FUNDC2: variants seen among roughly 807,000 people sequenced by gnomAD.
The protein encoded by FUNDC2 is FUN14 domain containing 2, also known as FUN14 domain-containing protein 2.
In FUNDC2, 4 loss-of-function variants were observed where a neutral mutation model predicts 15.6. The observed-to-expected ratio is 0.26, with a 90% CI of 0.13 to 0.59. The LOEUF (loss-of-function observed/expected upper bound fraction) is 0.59, where lower values mean the gene tolerates loss of function less well. FUNDC2 is among the 20% of genes least tolerant of loss of function. The pLI is 0.90. For missense variants in FUNDC2, 98 were observed against 149.7 expected (o/e 0.65, Z 1.80); for synonymous variants, 44 against 56.9 (o/e 0.77, Z 1.02).
chrX:155,057,423 G>C lies in FUNDC2; in HGVS notation c.*2751G>C, dbSNP rs1557291157. On this transcript the variant is annotated 3_prime_UTR_variant, in exon 5 of 5. Coordinates refer to ENST00000369498, the MANE Select transcript of FUNDC2 (RefSeq NM_023934.4). Reference sequence around the variant, plus strand: ...AGTAGCAGAGTCCAATGACGCTCTGGACTTCCTAATTAGTGGTGGTGGGGC... The same window carrying C: ...AGTAGCAGAGTCCAATGACGCTCTGCACTTCCTAATTAGTGGTGGTGGGGC... 1 of 112,086 alleles carries C rather than the reference G, an allele frequency of 8.9e-6. No homozygotes were observed. Among genetic ancestry groups the C allele is most frequent in the Non-Finnish European group, 1.9e-5 (1 of 53,144 alleles). The allele number at this position is 112,086 out of a possible 1,213,427, so 9.2% of individuals were successfully genotyped here. A position where few individuals can be genotyped will look rare whatever the true frequency, so the allele number is the denominator to read the frequency against.
At chrX:155,040,323 G>A (rs1158509487) in intron 2 of FUNDC2, among the ~76,000 whole-genome samples, 2 of 111,733 alleles carry the variant, frequency 1.8e-5, no homozygotes, top group Non-Finnish European at 3.8e-5. Context: ...TACCCACTGA[G>A]CAGTTACTCC....
chrX:155,050,890 A>T (rs1280884389), intron 3 of FUNDC2: 2 of 112,087 alleles, frequency 1.8e-5, no homozygotes, highest in African/African-American at 6.5e-5. Context: ...GCCATTAGCT[A>T]AAATAGGGCC....
chrX:155,053,245 A>C, intron 4 of FUNDC2, among the ~76,000 whole-genome samples: 1 of 112,233 alleles, frequency 8.9e-6, no homozygotes, highest in East Asian at 2.8e-4. Context: ...CCAACTGTTG[A>C]CTCACAGAGG....
At chrX:155,045,290 T>C (rs2073858839) in intron 2 of FUNDC2, among the ~76,000 whole-genome samples, 1 of 111,853 alleles carries the variant, frequency 8.9e-6, no homozygotes, top group Non-Finnish European at 1.9e-5. Flanking sequence ...ATGTACAGCA[T>C]GAGGACTGCA....
intron 3 of FUNDC2, chrX:155,051,464 G>C (rs112877021): frequency 0.017 from 6,766 of 407,047 alleles, 377 homozygotes; most frequent in African/African-American, 0.16. Flanking sequence ...AGAATTGCCA[G>C]TAGTTATTTC....
chrX:155,053,975 C>T (rs781836079), intron 4 of FUNDC2: 22 of 751,100 alleles, frequency 2.9e-5, no homozygotes, highest in Middle Eastern at 7.6e-4. Context: ...CTCAGATGAC[C>T]GGGAGCTATT....
intron 1 of FUNDC2, among the ~76,000 whole-genome samples, chrX:155,032,553 A>C (rs1204032589): frequency 3.6e-5 from 4 of 111,096 alleles, no homozygotes; most frequent in Non-Finnish European, 7.5e-5. Flanking sequence ...CTGGGATTAC[A>C]GGTGTGAGCC....
At chrX:155,048,192 A>G (rs1449334523) in intron 3 of FUNDC2, among the ~76,000 whole-genome samples, 2 of 111,804 alleles carry the variant, frequency 1.8e-5, no homozygotes, top group African/African-American at 3.3e-5. Flanking sequence ...GATAATTCCA[A>G]TATTCAAGGG....
At chrX:155,034,926 T>C (rs1046141862) in intron 2 of FUNDC2, among the ~76,000 whole-genome samples, 2 of 111,899 alleles carry the variant, frequency 1.8e-5, no homozygotes, top group Admixed American at 9.5e-5. Flanking sequence ...TGTTAAGCTG[T>C]AAGAGTTCTT....
intron 3 of FUNDC2, chrX:155,049,226 G>A (rs150969435): frequency 1.1e-4 from 12 of 112,661 alleles, no homozygotes; most frequent in African/African-American, 3.9e-4. Flanking sequence ...ACCTTGCAGC[G>A]GGAGAGGCTG....
rs781827243 is a variant in FUNDC2 at position 155,058,495 on chromosome X, A to G, written c.*3823A>G. 1 of 110,702 alleles carries G rather than the reference A, an allele frequency of 9.0e-6. No homozygotes were observed. Among genetic ancestry groups the G allele is most frequent in the African/African-American group, 3.3e-5 (1 of 30,353 alleles). 9.1% of individuals were successfully genotyped at this position (110,702 alleles called of 1,213,427 possible). On this transcript the variant is annotated 3_prime_UTR_variant, in exon 5 of 5. Coordinates refer to ENST00000369498, the MANE Select transcript of FUNDC2 (RefSeq NM_023934.4). ...GGATTTGAAATTTCTGAGTATCATCAATGTTTCATGATGATCTCAATTTCT... is the reference window on the plus strand; with the variant it reads ...GGATTTGAAATTTCTGAGTATCATCGATGTTTCATGATGATCTCAATTTCT...
chrX:155,042,078 AAAAAAAAAGAAAAAAAAG>A (rs1432767161), intron 2 of FUNDC2, among the ~76,000 whole-genome samples: 1 of 106,076 alleles, frequency 9.4e-6, no homozygotes, highest in Non-Finnish European at 2.0e-5. Flanking sequence ...CAAAAAAAAA[AAAAAAAAAGAAAAAAAAG>A]AAAAAAAAGA....
At chrX:155,037,624 C>T (rs2073835023) in intron 2 of FUNDC2, among the ~76,000 whole-genome samples, 1 of 110,568 alleles carries the variant, frequency 9.0e-6, no homozygotes, top group Admixed American at 9.6e-5. Flanking sequence ...GCTAGGACTA[C>T]AGGCGTGAAC....
At chrX:155,039,690 G>A (rs2073841756) in intron 2 of FUNDC2, among the ~76,000 whole-genome samples, 1 of 111,672 alleles carries the variant, frequency 9.0e-6, no homozygotes, top group Non-Finnish European at 1.9e-5. Flanking sequence ...ATTCTGATCC[G>A]TTGGTCTATG....
chrX:155,048,690 A>C (rs1361493218), intron 3 of FUNDC2, among the ~76,000 whole-genome samples: 5 of 112,748 alleles, frequency 4.4e-5, no homozygotes, highest in African/African-American at 1.6e-4. Flanking sequence ...CCATGTAGAT[A>C]TCTCTTATGA....
intron 1 of FUNDC2, among the ~76,000 whole-genome samples, chrX:155,032,802 G>A (rs2073819846): frequency 8.9e-6 from 1 of 111,806 alleles, no homozygotes; most frequent in Non-Finnish European, 1.9e-5. Context: ...GGGCAAATTT[G>A]TTTCATTTGG....
intron 1 of FUNDC2, chrX:155,032,946 A>G (rs2124186067): frequency 8.8e-6 from 1 of 113,269 alleles, no homozygotes; most frequent in Non-Finnish European, 1.8e-5. Context: ...TCCTGGGTTC[A>G]AGCAATTCTT....
At chrX:155,028,447 T>C (rs2073803416) in intron 1 of FUNDC2, among the ~76,000 whole-genome samples, 1 of 111,897 alleles carries the variant, frequency 8.9e-6, no homozygotes, top group African/African-American at 3.3e-5. Context: ...CTTGGTCAAA[T>C]TACGTTAAAA....
At chrX:155,044,668 C>G (rs1557289887) in intron 2 of FUNDC2, among the ~76,000 whole-genome samples, 1 of 112,281 alleles carries the variant, frequency 8.9e-6, no homozygotes, top group African/African-American at 3.2e-5. Flanking sequence ...GAGATATCAA[C>G]TGGCACTTGT....
Sources: allele counts gnomAD v4.1 joint callset (sites outside exome capture counted in the v4.1 genomes callset), GRCh38; gene constraint gnomAD v4.1.1; transcripts MANE v1.5; gene names NCBI Gene and HGNC (gene_info 2026-07-23, HGNC 2026-07-21).